Variants in NHERF2 observed in about 807,000 individuals in gnomAD.
The protein encoded by NHERF2 is NHERF family PDZ scaffold protein 2.
At chr16:2,029,796 G>T in the NHERF2 span, 1 of 1,530,400 alleles carries the variant, frequency 6.5e-7, no homozygotes, top group Non-Finnish European at 8.8e-7. Context: ...TGGCGGGCTT[G>T]GCCCACAGGG....
At chr16:2,038,697 G>A in the NHERF2 span, 3 of 220,454 alleles carry the variant, frequency 1.4e-5, no homozygotes, top group African/African-American at 4.8e-5. Flanking sequence ...TACCCTGTGC[G>A]CCTGTGCCCT....
At chr16:2,036,768 T>C in the NHERF2 span, 1 of 1,612,092 alleles carries the variant, frequency 6.2e-7, no homozygotes, top group Non-Finnish European at 8.5e-7. Context: ...CATGCTGAGG[T>C]GGTGGCCAGC....
chr16:2,030,204 T>A, the NHERF2 span, among the ~76,000 whole-genome samples: 3 of 152,164 alleles, frequency 2.0e-5, no homozygotes, highest in Admixed American at 2.0e-4. Flanking sequence ...GCCTGCATGC[T>A]GGGAAGGCCT....
the NHERF2 span, among the ~76,000 whole-genome samples, chr16:2,031,799 C>A: frequency 6.6e-6 from 1 of 152,186 alleles, no homozygotes; most frequent in Non-Finnish European, 1.5e-5. Flanking sequence ...TCAAGCGATT[C>A]TCTTGCCTCA....
At chr16:2,028,226 CCT>C in the NHERF2 span, among the ~76,000 whole-genome samples, 1 of 152,238 alleles carries the variant, frequency 6.6e-6, no homozygotes, top group African/African-American at 2.4e-5. Context: ...GAGCTGGTCT[CCT>C]GTTTACCTGG....
the NHERF2 span, chr16:2,036,451 C>G: frequency 1.8e-5 from 29 of 1,603,786 alleles, no homozygotes; most frequent in Non-Finnish European, 2.5e-5. Context: ...TCTGTGGACC[C>G]GGGCTCACCT....
At chr16:2,038,389 T>C in the NHERF2 span, 1 of 432,570 alleles carries the variant, frequency 2.3e-6, no homozygotes, top group Non-Finnish European at 4.5e-6. Flanking sequence ...TGTTTCCACT[T>C]AATACCAGAG....
chr16:2,037,296 G>A, the NHERF2 span, among the ~76,000 whole-genome samples: 14 of 152,036 alleles, frequency 9.2e-5, no homozygotes, highest in African/African-American at 2.9e-4. Context: ...CACCCCAGGC[G>A]TTGCTCACGC....
the NHERF2 span, chr16:2,037,635 G>A: frequency 6.2e-7 from 1 of 1,605,320 alleles, no homozygotes; most frequent in Non-Finnish European, 8.5e-7. Context: ...CTCACACGTG[G>A]GGTTGCTAGA....
the NHERF2 span, chr16:2,036,054 G>C: frequency 2.1e-6 from 1 of 482,380 alleles, no homozygotes; most frequent in South Asian, 3.3e-5. Flanking sequence ...CGCCACGCTG[G>C]CCTCGAGCCA....
At chr16:2,028,680 C>T in the NHERF2 span, among the ~76,000 whole-genome samples, 9 of 152,124 alleles carry the variant, frequency 5.9e-5, no homozygotes, top group Non-Finnish European at 1.0e-4. Context: ...CTGGCTCAGT[C>T]CCTCCTATCT....
At chr16:2,027,187 G>A in the NHERF2 span, 2 of 1,450,440 alleles carry the variant, frequency 1.4e-6, no homozygotes, top group Non-Finnish European at 9.1e-7. Flanking sequence ...GAGGTCAACG[G>A]CGTCAACGTG....
the NHERF2 span, chr16:2,035,538 C>T: frequency 1.0e-6 from 1 of 986,640 alleles, no homozygotes; most frequent in Non-Finnish European, 1.2e-6. Flanking sequence ...GAGCTGCCTC[C>T]TGCCTGCTCC....
At chr16:2,036,534 A>C in the NHERF2 span, 1 of 1,556,844 alleles carries the variant, frequency 6.4e-7, no homozygotes, top group East Asian at 2.4e-5. Context: ...CGGGGTGCCG[A>C]GTGCCCCGCA....
the NHERF2 span, among the ~76,000 whole-genome samples, chr16:2,033,592 G>A: frequency 1.3e-4 from 20 of 152,344 alleles, 1 homozygote; most frequent in African/African-American, 4.8e-4. Context: ...ACCATCTGGG[G>A]GGGTGCCCAG....
At chr16:2,037,925 A>G in the NHERF2 span, 39 of 1,613,056 alleles carry the variant, frequency 2.4e-5, no homozygotes, top group Non-Finnish European at 3.3e-5. Flanking sequence ...CATGCGAGTC[A>G]ACAAGCGCGC....
At chr16:2,037,747 T>G in the NHERF2 span, 4 of 1,549,726 alleles carry the variant, frequency 2.6e-6, no homozygotes, top group Middle Eastern at 1.7e-4. Flanking sequence ...CTCTGTTGGT[T>G]GCTCCCTAGG....
the NHERF2 span, chr16:2,037,816 C>G: frequency 1.9e-6 from 3 of 1,579,266 alleles, no homozygotes; most frequent in Admixed American, 3.6e-5. Context: ...ACCCACCGTG[C>G]TCACCCCAGG....
the NHERF2 span, chr16:2,027,355 G>A: frequency 2.3e-6 from 1 of 438,610 alleles, no homozygotes; most frequent in Admixed American, 4.7e-5. Context: ...GCGGCCCGGC[G>A]CCTTCGGAGT....
Sources: allele counts gnomAD v4.1 joint callset (sites outside exome capture counted in the v4.1 genomes callset), GRCh38; gene constraint gnomAD v4.1.1; transcripts MANE v1.5; gene names NCBI Gene and HGNC (gene_info 2026-07-23, HGNC 2026-07-21).